Variants in SNRPN observed in about 807,000 individuals in gnomAD.
SNRPN encodes small nuclear ribonucleoprotein-associated protein N.
A neutral mutation model predicts 25.2 loss-of-function variants in SNRPN; 7 were observed. That is an observed-to-expected ratio of 0.28 (90% CI 0.16 to 0.52). The LOEUF (loss-of-function observed/expected upper bound fraction) is 0.52, where lower values mean the gene tolerates loss of function less well. Ranked by LOEUF, SNRPN falls within the 20% of genes least tolerant of loss-of-function variation. SNRPN has a pLI of 0.96. For missense variants in SNRPN, 196 were observed against 322.5 expected, an observed-to-expected ratio of 0.61 and a Z score of 3.00; for synonymous variants, 124 against 110.6, an observed-to-expected ratio of 1.12 and a Z score of -0.76.
chr15:24,840,244 G>A (rs944711549), intron 2 of SNRPN, among the ~76,000 whole-genome samples: 1 of 152,142 alleles, frequency 6.6e-6, no homozygotes, highest in African/African-American at 2.4e-5. Flanking sequence ...TGTAATCCCA[G>A]CTATTCAGGA....
chr15:24,867,732 C>G (rs2054716787), intron 1 of SNRPN, among the ~76,000 whole-genome samples: 1 of 152,088 alleles, frequency 6.6e-6, no homozygotes, highest in South Asian at 2.1e-4. Flanking sequence ...TCCACTCCAA[C>G]AGTCTGTGTC....
chr15:24,852,165 T>G (rs190223585), upstream of SNRPN: 1 of 152,286 alleles, frequency 6.6e-6, no homozygotes, highest in Non-Finnish European at 1.5e-5. Flanking sequence ...TTAAGTAAGG[T>G]GTATGCTTGG....
In SNRPN at chr15:24,974,388, C is replaced by T; in HGVS notation, c.-66C>T. ...CCTGCGTCATACCTTTATCTATAGC[C>T]TTCCCCTAGGTCTTCAGAAGCATCA... On this transcript the variant is annotated 5_prime_UTR_variant, in exon 4 of 10. Coordinates refer to ENST00000390687, the MANE Select transcript of SNRPN (RefSeq NM_003097.6). 4.0e-6 allele frequency: 6 copies of T among 1,506,008 alleles called. No homozygotes were observed. The highest frequency in any genetic ancestry group is 5.5e-6 in the Non-Finnish European group (6 of 1,081,622). The allele number at this position is 1,506,008 out of a possible 1,614,324, so 93.3% of individuals were successfully genotyped here. A position where few individuals can be genotyped will look rare whatever the true frequency, so the allele number is the denominator to read the frequency against.
At chr15:24,904,972 G>A (rs1285080065) in intron 2 of SNRPN, among the ~76,000 whole-genome samples, 1 of 148,958 alleles carries the variant, frequency 6.7e-6, no homozygotes, top group Non-Finnish European at 1.5e-5. Context: ...AATTAGCTGG[G>A]CGTGGTGGCA....
At chr15:24,840,507 T>C (rs1022494425) in intron 2 of SNRPN, among the ~76,000 whole-genome samples, 2 of 152,216 alleles carry the variant, frequency 1.3e-5, no homozygotes, top group African/African-American at 2.4e-5. Flanking sequence ...ACAACTGTGA[T>C]TTCATCTGGC....
In SNRPN at chr15:24,835,112, TATCTATATATA is replaced by T. The variant is rs2051022976; in HGVS notation, c.-579+5209_-579+5219del. On this transcript the variant is annotated intron_variant, in intron 2 of 12. Coordinates refer to the SNRPN transcript ENST00000400100. ...AAAATATATAGATATATATACTATATATCTATATATAAAATATATAGATATATATACTATAT... is the reference window on the plus strand; with the variant it reads ...AAAATATATAGATATATATACTATATAAATATATAGATATATATACTATAT... Among the ~76,000 whole-genome samples, 4 of 66,624 alleles carry T rather than the reference TATCTATATATA, an allele frequency of 6.0e-5. 2 individuals are homozygous for T. Among genetic ancestry groups the T allele is most frequent in the Non-Finnish European group, 1.2e-4 (4 of 32,022 alleles). The allele number at this position is 66,624 out of a possible 152,430, so 43.7% of individuals were successfully genotyped here. A position where few individuals can be genotyped will look rare whatever the true frequency, so the allele number is the denominator to read the frequency against.
chr15:24,908,927 G>A, intron 2 of SNRPN: 1 of 1,108,944 alleles, frequency 9.0e-7, no homozygotes, highest in Non-Finnish European at 1.3e-6. Context: ...AAATTGTTTG[G>A]TTTAGCTCTC....
At chr15:24,969,483 T>G (rs777587283) in intron 3 of SNRPN, among the ~76,000 whole-genome samples, 1 of 152,178 alleles carries the variant, frequency 6.6e-6, no homozygotes, top group Non-Finnish European at 1.5e-5. Context: ...CCTCCTTTCT[T>G]GAATCCTTTA....
At chr15:24,950,544 CT>C (rs1024998270), upstream of SNRPN, among the ~76,000 whole-genome samples, 1,813 of 97,134 alleles carry the variant, frequency 0.019, 20 homozygotes, top group African/African-American at 0.066. Context: ...GTTCTCATTT[CT>C]TTTTTTTTTT....
At chr15:24,941,395 T>G (rs1299904817) in intron 3 of SNRPN, among the ~76,000 whole-genome samples, 1 of 152,226 alleles carries the variant, frequency 6.6e-6, no homozygotes, top group East Asian at 1.9e-4. Flanking sequence ...CAGCTCATAT[T>G]TGTAATTACC....
At chr15:24,922,106 G>A (rs1302339760) in intron 3 of SNRPN, among the ~76,000 whole-genome samples, 1 of 151,936 alleles carries the variant, frequency 6.6e-6, no homozygotes, top group Non-Finnish European at 1.5e-5. Flanking sequence ...CCAGCTACTA[G>A]GGAGACTAAG....
Position 24,933,740 on chromosome 15 carries a change from G to A in SNRPN, c.-391+13616G>A, listed in dbSNP as rs547696950. ...AGAAACAGAAGAGGAGACAAGGTGT[G>A]GGGTCTACCAGGTGGGCAGGCCCAT... is the stretch of plus-strand genomic sequence containing the variant. On this transcript the variant is annotated intron_variant, in intron 3 of 11. Coordinates refer to the SNRPN transcript ENST00000400097. Among the ~76,000 whole-genome samples, 22 of 152,342 alleles carry A rather than the reference G, an allele frequency of 1.4e-4. 1 individual carries two copies. The highest frequency in any genetic ancestry group is 5.1e-4 in the African/African-American group (21 of 41,576).
upstream of SNRPN, among the ~76,000 whole-genome samples, chr15:24,950,271 G>A (rs2062160585): frequency 6.6e-6 from 1 of 151,976 alleles, no homozygotes; most frequent in African/African-American, 2.4e-5. Context: ...CCGCCTCCTG[G>A]GTTCAAGCGA....
At chr15:24,864,714 C>G (rs2054400344) in intron 1 of SNRPN, among the ~76,000 whole-genome samples, 1 of 151,916 alleles carries the variant, frequency 6.6e-6, no homozygotes, top group South Asian at 2.1e-4. Flanking sequence ...TCACTGCATT[C>G]TACAAATTTT....
rs2058188899 is a variant in SNRPN at position 24,898,079 on chromosome 15, A to C, written c.-505+11490A>C. ...AATGGTATCTAAATTCCCTCTTATC[A>C]ATGGCAATTACTCATTTGGACTGCT... is the stretch of plus-strand genomic sequence containing the variant. On this transcript the variant is annotated intron_variant, in intron 2 of 11. Transcript: ENST00000400097. 6.6e-5 allele frequency among the ~76,000 whole-genome samples: 10 copies of C among 152,180 alleles called. No homozygotes were observed. In the South Asian group the frequency reaches 2.1e-3, roughly 31 times the overall value.
At chr15:24,906,904 G>C (rs2058839206) in intron 2 of SNRPN, among the ~76,000 whole-genome samples, 2 of 152,088 alleles carry the variant, frequency 1.3e-5, no homozygotes, top group South Asian at 4.2e-4. Flanking sequence ...CTTAGGAGAA[G>C]AGGGCCCTAA....
chr15:24,977,294 T>G (rs1450356194), intron 7 of SNRPN, among the ~76,000 whole-genome samples: 1 of 152,166 alleles, frequency 6.6e-6, no homozygotes, highest in African/African-American at 2.4e-5. Flanking sequence ...ATACCACAGT[T>G]GAAAAGACCA....
chr15:24,944,010 C>T (rs1392403107), intron 3 of SNRPN, among the ~76,000 whole-genome samples: 2 of 151,940 alleles, frequency 1.3e-5, no homozygotes, highest in African/African-American at 4.8e-5. Flanking sequence ...TTAGTAGAGA[C>T]GGGGTTTCAC....
rs1046366464 is a variant in SNRPN, at chr15:24,968,129, A to G, written c.-144+47A>G. 5 of 1,138,404 alleles carry G rather than the reference A, an allele frequency of 4.4e-6. No homozygotes were observed. The East Asian group carries it at 1.2e-4, about 27-fold the overall frequency. The allele number at this position is 1,138,404 out of a possible 1,614,324, so 70.5% of individuals were successfully genotyped here. A position where few individuals can be genotyped will look rare whatever the true frequency, so the allele number is the denominator to read the frequency against. ...ATCAAGAATAAAGAATCATTAAAGA[A>G]TGGGGTGTTGGGGGTTCTCTTAATT... On this transcript the variant is annotated intron_variant, in intron 3 of 9. Coordinates refer to ENST00000390687, the MANE Select transcript of SNRPN (RefSeq NM_003097.6).
Sources: gnomAD v4.1 joint callset for allele counts (sites outside exome capture counted in the v4.1 genomes callset) on GRCh38, gnomAD v4.1.1 for gene constraint, MANE v1.5 for transcripts, NCBI Gene and HGNC (gene_info 2026-07-23, HGNC 2026-07-21) for gene names.